Variants in RBL1 observed in about 807,000 individuals in gnomAD.
RBL1 encodes the protein RB transcriptional corepressor like 1.
In RBL1, 82 loss-of-function variants were observed where a neutral mutation model predicts 123.0. The observed-to-expected ratio is 0.67, with a 90% CI of 0.56 to 0.80. The LOEUF is 0.80. RBL1 is among the 30% of genes least tolerant of loss of function. The probability of loss-of-function intolerance (pLI) is 0.00; values close to 1 mark genes in which losing one functional copy is unlikely to be tolerated. For missense variants in RBL1, 1,171 were observed against 1,299.6 expected, an observed-to-expected ratio of 0.90 and a Z score of 1.52; for synonymous variants, 405 against 441.3, an observed-to-expected ratio of 0.92 and a Z score of 1.03.
chr20:37,013,352 G>A (rs1358807016), intron 19 of RBL1, among the ~76,000 whole-genome samples: 2 of 151,440 alleles, frequency 1.3e-5, no homozygotes, highest in Admixed American at 1.3e-4. Flanking sequence ...ATTAAGGGCG[G>A]TGCAAGATGT....
chr20:37,000,570 A>T (rs2063955906), intron 21 of RBL1, among the ~76,000 whole-genome samples: 1 of 135,216 alleles, frequency 7.4e-6, no homozygotes, highest in South Asian at 2.4e-4. Context: ...CTGCCCGGCC[A>T]GCCGCCCCGT....
At chr20:37,089,674 GA>G (rs1368263349) in intron 1 of RBL1, among the ~76,000 whole-genome samples, 7 of 148,254 alleles carry the variant, frequency 4.7e-5, no homozygotes, top group Non-Finnish European at 9.0e-5. Flanking sequence ...AAAAAAAAAA[GA>G]AAAAAACTCT....
chr20:37,030,450 T>G (rs2064489070), intron 16 of RBL1, among the ~76,000 whole-genome samples: 1 of 152,222 alleles, frequency 6.6e-6, no homozygotes, highest in Non-Finnish European at 1.5e-5. Context: ...CTGGGCGTGG[T>G]GGCTCACGGC....
At chr20:37,067,333 G>C (rs1226027111) in intron 3 of RBL1, 36 bp from the exon 4 acceptor site, 1 of 1,450,852 alleles carries the variant, frequency 6.9e-7, no homozygotes, top group Non-Finnish European at 9.5e-7. Flanking sequence ...TGTCTGACTA[G>C]CTCGCTAAAT....
At chr20:37,095,708 A>C in intron 1 of RBL1, 65 bp downstream of exon 1, 3 of 1,412,490 alleles carry the variant, frequency 2.1e-6, no homozygotes, top group Non-Finnish European at 2.8e-6. Flanking sequence ...AGGCCGAGGA[A>C]GGGGCGGGGC....
chr20:37,037,752 T>C (rs1181697098), intron 14 of RBL1, among the ~76,000 whole-genome samples: 3 of 151,864 alleles, frequency 2.0e-5, no homozygotes, highest in African/African-American at 7.3e-5. Flanking sequence ...CTCGGCTCAC[T>C]GCAACCTCCG....
intron 19 of RBL1, among the ~76,000 whole-genome samples, chr20:37,011,551 C>T (rs1664452546): frequency 6.6e-6 from 1 of 151,370 alleles, no homozygotes; most frequent in African/African-American, 2.4e-5. Context: ...TCTCTTGCCT[C>T]AGCCTCCGAA....
chr20:37,056,482 G>A (rs530932842), intron 9 of RBL1, among the ~76,000 whole-genome samples: 2 of 150,560 alleles, frequency 1.3e-5, no homozygotes, highest in South Asian at 2.1e-4. Context: ...AACCTCCCAA[G>A]TAGCTGGGAT....
At chr20:37,034,711 G>A (rs1190290572) in intron 15 of RBL1, among the ~76,000 whole-genome samples, 1 of 150,170 alleles carries the variant, frequency 6.7e-6, no homozygotes, top group African/African-American at 2.4e-5. Context: ...AAAAGAAAAA[G>A]TAAAATAAGT....
chr20:37,067,279 A>C lies in RBL1; in HGVS notation c.510T>G (p.Val170=). ...SRKQRRIPCS[V]KDLFNFCWTL... is the part of the protein sequence containing the mutation. ...TCCAACAGAAATTAAACAGATCCTT[A>C]ACACTGCAAGGAATCCTCCTAAAAA... is the stretch of plus-strand genomic sequence containing the variant. Residue 170 remains valine, a synonymous_variant, in exon 4 of 22, where the codon GTT becomes GTG. Coordinates refer to ENST00000373664, the MANE Select transcript of RBL1 (RefSeq NM_002895.5). 6.2e-7 allele frequency: 1 copy of C among 1,604,598 alleles called. No individual in the cohort carries two copies. Among genetic ancestry groups the C allele is most frequent in the African/African-American group, 1.3e-5 (1 of 74,552 alleles).
intron 21 of RBL1, among the ~76,000 whole-genome samples, chr20:37,002,157 C>T (rs887678064): frequency 6.7e-6 from 1 of 150,338 alleles, no homozygotes; most frequent in Admixed American, 6.6e-5. Context: ...CTCAGCCTCC[C>T]TAGCTGGGAC....
At position 37,032,748 on chromosome 20, in the gene RBL1, T is replaced by A; in HGVS notation, c.2299A>T (p.Asn767Tyr). ...SLIGASPKQT[N>Y]LTKAQEVHST... ...TGTACCTCTTGTGCTTTAGTCAGAT[T>A]GGTCTGTTTTGGAGAAGCACCAATT... is the stretch of plus-strand genomic sequence containing the variant. Residue 767 changes from asparagine (N) to tyrosine (Y), a missense_variant, in exon 16 of 22, where the codon AAT becomes TAT. Transcript: ENST00000373664. The A allele has an allele frequency of 6.2e-7, 1 of 1,614,102 alleles. No individual in the cohort carries two copies. The highest frequency in any genetic ancestry group is 8.5e-7 in the Non-Finnish European group (1 of 1,179,984).
At chr20:37,070,340 C>T (rs926285948) in intron 2 of RBL1, among the ~76,000 whole-genome samples, 8 of 152,122 alleles carry the variant, frequency 5.3e-5, no homozygotes, top group Admixed American at 3.9e-4. Flanking sequence ...CGCGGAAGGC[C>T]GCAGGGTCCT....
intron 18 of RBL1, among the ~76,000 whole-genome samples, chr20:37,020,088 CTTTT>C (rs34470853): frequency 2.9e-5 from 4 of 135,840 alleles, no homozygotes; most frequent in Non-Finnish European, 6.4e-5. Context: ...TTATACATAA[CTTTT>C]TTTTTTTTTT....
At chr20:37,024,759 A>C (rs2064393909) in intron 16 of RBL1, among the ~76,000 whole-genome samples, 1 of 152,230 alleles carries the variant, frequency 6.6e-6, no homozygotes, top group South Asian at 2.1e-4. Context: ...AACTTAGGTT[A>C]ATTATCAGAG....
In RBL1 at chr20:37,023,016, A is replaced by T. The variant is rs978814022; in HGVS notation, c.2383-190T>A. 3.9e-5 allele frequency among the ~76,000 whole-genome samples: 6 copies of T among 152,328 alleles called. 1 individual carries two copies. Among genetic ancestry groups the T allele is most frequent in the Non-Finnish European group, 1.5e-5 (1 of 68,024 alleles). On this transcript the variant is annotated intron_variant, in intron 16 of 21. Coordinates refer to ENST00000373664, the MANE Select transcript of RBL1 (RefSeq NM_002895.5). ...GATTAAAGCAAAACTACTTGAAAAA[A>T]TTTTTTAAAGATGTCATCTATTACT... is the stretch of plus-strand genomic sequence containing the variant.
At chr20:37,017,960 G>A (rs1410021550) in intron 19 of RBL1, among the ~76,000 whole-genome samples, 4 of 151,934 alleles carry the variant, frequency 2.6e-5, no homozygotes, top group Non-Finnish European at 5.9e-5. Context: ...CAGACTCCTC[G>A]GGAAGATTAC....
At chr20:37,057,726 C>T (rs2146288573) in intron 9 of RBL1, among the ~76,000 whole-genome samples, 1 of 152,276 alleles carries the variant, frequency 6.6e-6, no homozygotes, top group African/African-American at 2.4e-5. Flanking sequence ...TGGTGGCTCA[C>T]ATCTATATTC....
rs1350087100 is a variant in RBL1, at chr20:37,047,200, G to A, written c.1468-10C>T. 6.3e-7 allele frequency: 1 copy of A among 1,576,060 alleles called. No individual in the cohort carries two copies. The highest frequency in any genetic ancestry group is 1.4e-5 in the African/African-American group (1 of 72,362). Reference sequence around the variant, plus strand: ...CTTGCTCTAAAAGAACCTGGGGGAAGAGAAAGACCACAGTTTAATATTTTT... The same window carrying A: ...CTTGCTCTAAAAGAACCTGGGGGAAAAGAAAGACCACAGTTTAATATTTTT... On this transcript the variant is annotated splice_polypyrimidine_tract_variant and intron_variant, in intron 11 of 21. Transcript: ENST00000373664.
Sources: allele counts gnomAD v4.1 joint callset (sites outside exome capture counted in the v4.1 genomes callset), GRCh38; gene constraint gnomAD v4.1.1; transcripts MANE v1.5; gene names NCBI Gene and HGNC (gene_info 2026-07-23, HGNC 2026-07-21).